CFB: variants seen among roughly 807,000 people sequenced by gnomAD.
The protein encoded by CFB is complement factor B, also known as B-factor, properdin.
A neutral mutation model predicts 97.2 loss-of-function variants in CFB; 59 were observed. The observed-to-expected ratio is 0.61, with a 90% CI of 0.49 to 0.75. CFB has a LOEUF of 0.75. CFB is among the 30% of genes least tolerant of loss of function. The pLI, the probability that CFB is intolerant of heterozygous loss-of-function variation, is 0.00. For synonymous variants in CFB, 316 were observed against 351.7 expected (o/e 0.90, Z 1.14); for missense variants, 771 against 959.8 (o/e 0.80, Z 2.60).
chr6:31,951,806 C>G lies in CFB; in HGVS notation c.2140-69C>G. 6.2e-7 allele frequency: 1 copy of G among 1,609,022 alleles called. No homozygotes were observed. The highest frequency in any genetic ancestry group is 8.5e-7 in the Non-Finnish European group (1 of 1,176,548). ...TCCTTTAGGTCAGCTAAGACACAAGCAGGAACAGCCATGCTTCCAGGATTA... is the reference window on the plus strand; with the variant it reads ...TCCTTTAGGTCAGCTAAGACACAAGGAGGAACAGCCATGCTTCCAGGATTA... On this transcript the variant is annotated intron_variant, in intron 17 of 17. Transcript: ENST00000425368. This position sits in a 1 kb window ranked among gnomAD's most constrained non-coding sequence, Gnocchi z 4.3.
rs368040394 is a variant in CFB at position 31,949,192 on chromosome 6, G to A, written c.1169-51G>A. 4 of 1,590,280 alleles carry A rather than the reference G, an allele frequency of 2.5e-6. No homozygotes were observed. In the African/African-American group the frequency reaches 5.4e-5, roughly 21 times the overall value. Reference sequence around the variant, plus strand: ...CCTGCCATGTGTATCCCTGCCTTTAGCCAGTTTATCTTCCTTATCTCCTAC... The same window carrying A: ...CCTGCCATGTGTATCCCTGCCTTTAACCAGTTTATCTTCCTTATCTCCTAC... On this transcript the variant is annotated intron_variant, in intron 8 of 17. Coordinates refer to ENST00000425368, the MANE Select transcript of CFB (RefSeq NM_001710.6).
At position 31,947,764 on chromosome 6, in the gene CFB, T is replaced by G. The variant is rs1213784530; in HGVS notation, c.681T>G (p.Pro227=). ...SCQDSFMYDT[P]QEVAEAFLSS... is the part of the protein sequence containing the mutation. ...CAGACTCCTTCATGTACGACACCCC[T>G]CAAGAGGTGGCCGAAGCTTTCCTGT... The change falls in exon 5 of 18, where the codon CCT becomes CCG. Residue 227 remains proline (P), a synonymous_variant. Coordinates refer to ENST00000425368, the MANE Select transcript of CFB (RefSeq NM_001710.6). The surrounding 1 kb of genome is among the most constrained non-coding windows in gnomAD (Gnocchi z 5.3). 1 of 1,613,086 alleles carries G rather than the reference T, an allele frequency of 6.2e-7. No homozygotes were observed.
chr6:31,947,801 G>C lies in CFB; in HGVS notation c.718G>C (p.Glu240Gln). The C allele has an allele frequency of 6.2e-7, 1 of 1,613,624 alleles. No individual in the cohort carries two copies. Among genetic ancestry groups the C allele is most frequent in the Non-Finnish European group, 8.5e-7 (1 of 1,180,032 alleles). ...CGAAGCTTTCCTGTCTTCCCTGACA[G>C]AGACCATAGAAGGAGTCGATGCTGA... The part of the protein sequence containing the change: ...VAEAFLSSLT[E>Q]TIEGVDAEDG... Residue 240 changes from glutamate to glutamine, a missense_variant, in exon 5 of 18, where the codon GAG becomes CAG. Physicochemically the swap from Glu to Gln is conservative, Grantham distance 29 (BLOSUM62 2). Coordinates refer to ENST00000425368, the MANE Select transcript of CFB (RefSeq NM_001710.6). The surrounding 1 kb of genome is among the most constrained non-coding windows in gnomAD (Gnocchi z 5.3).
chr6:31,951,857 A>G lies in CFB; in HGVS notation c.2140-18A>G, dbSNP rs780616213. 1.2e-6 allele frequency: 2 copies of G among 1,613,116 alleles called. No homozygotes were observed. Among genetic ancestry groups the G allele is most frequent in the South Asian group, 1.1e-5 (1 of 91,066 alleles). ...GGAATTCTACTGAATGATCCATGGC[A>G]CCCCACTGCCTCTGCAGGTTGGTGT... On this transcript the variant is annotated intron_variant, in intron 17 of 17. Transcript: ENST00000425368. The surrounding 1 kb of genome is among the most constrained non-coding windows in gnomAD (Gnocchi z 4.3).
Position 31,951,675 on chromosome 6 carries a change from T to C in CFB, c.2139+71T>C, listed in dbSNP as rs1204588354. The C allele has an allele frequency of 2.5e-6, 4 of 1,600,082 alleles. No homozygotes were observed. The African/African-American group carries it at 5.4e-5, about 21-fold the overall frequency. ...TGGGCCCCAAAGCAGGAAAGCTCAA[T>C]GCATGTGGCTAGTAATTCGAGGTAG... On this transcript the variant is annotated intron_variant, in intron 17 of 17. Coordinates refer to ENST00000425368, the MANE Select transcript of CFB (RefSeq NM_001710.6). The surrounding 1 kb of genome is among the most constrained non-coding windows in gnomAD (Gnocchi z 4.3).
intron 10 of CFB, 68 bp from the exon 11 acceptor site, chr6:31,949,982 C>G: frequency 6.7e-7 from 1 of 1,495,604 alleles, no homozygotes; most frequent in Non-Finnish European, 9.3e-7. Context: ...TAGACTCCTA[C>G]CCAAAAGGCT....
intron 12 of CFB, 33 bp from the exon 13 acceptor site, chr6:31,950,586 C>T: frequency 6.2e-7 from 1 of 1,612,698 alleles, no homozygotes; most frequent in Non-Finnish European, 8.5e-7. Context: ...GGAAGCTGCC[C>T]ACAAAGAGGT....
In CFB at chr6:31,951,010, G is replaced by A. The variant is rs1201460778; in HGVS notation, c.1855+66G>A. 5 of 1,587,116 alleles carry A rather than the reference G, an allele frequency of 3.2e-6. No individual in the cohort carries two copies. The highest frequency in any genetic ancestry group is 2.2e-5 in the South Asian group (2 of 90,496). On this transcript the variant is annotated intron_variant, in intron 14 of 17. Coordinates refer to ENST00000425368, the MANE Select transcript of CFB (RefSeq NM_001710.6). The surrounding 1 kb of genome is among the most constrained non-coding windows in gnomAD (Gnocchi z 4.3). ...GAGACAAGTGGGGCATGAGAGGGAG[G>A]TGCAATAGGAAGAGATGATGCCTGG...
chr6:31,948,373 G>A lies in CFB; in HGVS notation c.898-1G>A. On this transcript the variant is annotated splice_acceptor_variant, in intron 6 of 17. Coordinates refer to ENST00000425368, the MANE Select transcript of CFB (RefSeq NM_001710.6). LOFTEE classifies it high-confidence loss of function. Reference sequence around the variant, plus strand: ...TGGCGCCTTGTTCTCCTCACCCACAGGTGGCAAGTTATGGTGTGAAGCCAA... The same window carrying A: ...TGGCGCCTTGTTCTCCTCACCCACAAGTGGCAAGTTATGGTGTGAAGCCAA... 6.2e-7 allele frequency: 1 copy of A among 1,614,174 alleles called. No homozygotes were observed. The highest frequency in any genetic ancestry group is 8.5e-7 in the Non-Finnish European group (1 of 1,180,040).
chr6:31,946,246 C>T lies in CFB; in HGVS notation c.25C>T (p.Leu9Phe). Reference protein sequence around the residue: MGSNLSPQLCLMPFILGLL... With the variant: MGSNLSPQFCLMPFILGLL... ...CATGGGGAGCAATCTCAGCCCCCAA[C>T]TCTGCCTGATGCCCTTTATCTTGGG... The change falls in exon 1 of 18, where the codon CTC becomes TTC. Residue 9 changes from leucine to phenylalanine, a missense_variant. Leu to Phe is a conservative substitution (Grantham distance 22). Transcript: ENST00000425368. This position sits in a 1 kb window ranked among gnomAD's most constrained non-coding sequence, Gnocchi z 6.4. The T allele has an allele frequency of 6.2e-7, 1 of 1,613,132 alleles. No homozygotes were observed. The highest frequency in any genetic ancestry group is 8.5e-7 in the Non-Finnish European group (1 of 1,180,030).
chr6:31,949,089 C>T, intron 8 of CFB, 128 bp downstream of exon 8: 1 of 1,469,464 alleles, frequency 6.8e-7, no homozygotes. Flanking sequence ...GGCTGTTCAT[C>T]TCTCCTGTGA....
chr6:31,949,033 T>C, intron 8 of CFB, 72 bp downstream of exon 8: 1 of 1,604,288 alleles, frequency 6.2e-7, no homozygotes, highest in Non-Finnish European at 8.5e-7. Flanking sequence ...TAAGTCCACT[T>C]GTAACACTAT....
chr6:31,947,079 G>A lies in CFB; in HGVS notation c.371G>A (p.Ser124Asn). 1 of 1,613,020 alleles carries A rather than the reference G, an allele frequency of 6.2e-7. No individual in the cohort carries two copies. Among genetic ancestry groups the A allele is most frequent in the Non-Finnish European group, 8.5e-7 (1 of 1,180,020 alleles). The change falls in exon 3 of 18, where the codon AGT (serine) becomes AAT (asparagine). Residue 124 changes from serine to asparagine, a missense_variant. Transcript: ENST00000425368. This position sits in a 1 kb window ranked among gnomAD's most constrained non-coding sequence, Gnocchi z 5.3. The part of the protein sequence containing the change: ...YWPRSPYYNV[S>N]DEISFHCYDG... Reference sequence around the variant, plus strand: ...CCCCGGTCTCCCTACTACAATGTGAGTGATGAGATCTCTTTCCACTGCTAT... The same window carrying A: ...CCCCGGTCTCCCTACTACAATGTGAATGATGAGATCTCTTTCCACTGCTAT...
At position 31,951,127 on chromosome 6, in the gene CFB, G is replaced by A. The variant is rs751610654; in HGVS notation, c.1856-17G>A. ...CAGTGGTGGGAGCAGCTGAAGTGACGCAGTCTATTCGTCCAGAGGAAGAGC... is the reference window on the plus strand; with the variant it reads ...CAGTGGTGGGAGCAGCTGAAGTGACACAGTCTATTCGTCCAGAGGAAGAGC... On this transcript the variant is annotated splice_polypyrimidine_tract_variant and intron_variant, in intron 14 of 17. Coordinates refer to ENST00000425368, the MANE Select transcript of CFB (RefSeq NM_001710.6). The surrounding 1 kb of genome is among the most constrained non-coding windows in gnomAD (Gnocchi z 4.3). The A allele has an allele frequency of 6.6e-5, 106 of 1,611,002 alleles. No homozygotes were observed. The highest frequency in any genetic ancestry group is 6.0e-4 in the East Asian group (27 of 44,884).
Position 31,951,942 on chromosome 6 carries a change from C to T in CFB, c.2207C>T (p.Ala736Val), listed in dbSNP as rs1771798472. The T allele has an allele frequency of 6.2e-7, 1 of 1,613,130 alleles. No individual in the cohort carries two copies. Among genetic ancestry groups the T allele is most frequent in the Non-Finnish European group, 8.5e-7 (1 of 1,180,042 alleles). ...KNQKRQKQVPAHARDFHINLF... is the reference protein window; with the variant it reads ...KNQKRQKQVPVHARDFHINLF... ...CAGAAGCGGCAAAAGCAGGTACCTG[C>T]TCACGCCCGAGACTTTCACATCAAC... Residue 736 changes from alanine (A) to valine (V), a missense_variant, in exon 18 of 18, where the codon GCT becomes GTT. By Grantham distance (64) the Ala-to-Val change is moderately conservative. Coordinates refer to ENST00000425368, the MANE Select transcript of CFB (RefSeq NM_001710.6). This position sits in a 1 kb window ranked among gnomAD's most constrained non-coding sequence, Gnocchi z 4.3.
chr6:31,948,716 T>C (rs992053184), intron 7 of CFB, 114 bp from the exon 8 acceptor site: 1 of 1,494,442 alleles, frequency 6.7e-7, no homozygotes, highest in African/African-American at 1.4e-5. Flanking sequence ...GTCCGTGTAA[T>C]GATGATTAAC....
chr6:31,946,509 C>T lies in CFB; in HGVS notation c.201C>T (p.Tyr67=), dbSNP rs1771431833. 6.2e-7 allele frequency: 1 copy of T among 1,613,068 alleles called. No individual in the cohort carries two copies. Among genetic ancestry groups the T allele is most frequent in the South Asian group, 1.1e-5 (1 of 91,086 alleles). ...ALEYVCPSGF[Y]PYPVQTRTCR... is the part of the protein sequence containing the mutation. ...AGTACGTGTGTCCTTCTGGCTTCTA[C>T]CCGTACCCTGTGCAGACACGTACCT... The change falls in exon 2 of 18, where the codon TAC becomes TAT. Residue 67 remains tyrosine (Y), a synonymous_variant. Coordinates refer to ENST00000425368, the MANE Select transcript of CFB (RefSeq NM_001710.6). This position sits in a 1 kb window ranked among gnomAD's most constrained non-coding sequence, Gnocchi z 6.4.
Position 31,951,108 on chromosome 6 carries a change from T to C in CFB, c.1856-36T>C. On this transcript the variant is annotated intron_variant, in intron 14 of 17. Transcript: ENST00000425368. This position sits in a 1 kb window ranked among gnomAD's most constrained non-coding sequence, Gnocchi z 4.3. ...AAAGGCAATGGGGAGATGACAGTGG[T>C]GGGAGCAGCTGAAGTGACGCAGTCT... 6.2e-7 allele frequency: 1 copy of C among 1,604,520 alleles called. No homozygotes were observed. The highest frequency in any genetic ancestry group is 1.1e-5 in the South Asian group (1 of 90,846).
rs749815658 is a variant in CFB, at chr6:31,950,903, G to A, written c.1814G>A (p.Arg605Gln). ...CTCCCCTGCACCGAGGGAACAACTC[G>A]AGCTTTGAGGCTTCCTCCAACTACC... ...ICLPCTEGTT[R>Q]ALRLPPTTTC... Residue 605 changes from arginine (R) to glutamine (Q), a missense_variant, in exon 14 of 18, where the codon CGA (arginine) becomes CAA (glutamine). By Grantham distance (43) the Arg-to-Gln change is conservative. Coordinates refer to ENST00000425368, the MANE Select transcript of CFB (RefSeq NM_001710.6). 4.3e-6 allele frequency: 7 copies of A among 1,613,002 alleles called. No individual in the cohort carries two copies. The highest frequency in any genetic ancestry group is 5.9e-6 in the Non-Finnish European group (7 of 1,180,022).
Sources: gnomAD v4.1 joint callset for allele counts on GRCh38, gnomAD v4.1.1 for gene constraint, Gnocchi (gnomAD v3.1) non-coding constraint, MANE v1.5 for transcripts, NCBI Gene and HGNC (gene_info 2026-07-23, HGNC 2026-07-21) for gene names.